HHLA1: variants seen among roughly 807,000 people sequenced by gnomAD.
The protein encoded by HHLA1 is HERV-H LTR-associating protein 1.
HHLA1 carries 72 observed loss-of-function variants against 69.9 expected under a neutral mutation model. The observed-to-expected ratio is 1.03, with a 90% CI of 0.85 to 1.25. The LOEUF (loss-of-function observed/expected upper bound fraction) is 1.25. Among genes scored for constraint, HHLA1 ranks in the 50% most tolerant of loss-of-function variants. The pLI is 0.00. For synonymous variants in HHLA1, 252 were observed against 233.2 expected, an observed-to-expected ratio of 1.08 and a Z score of -0.73; for missense variants, 685 against 642.2, an observed-to-expected ratio of 1.07 and a Z score of -0.72.
At chr8:132,091,255 TAA>T (rs1823941757) in intron 7 of HHLA1, among the ~76,000 whole-genome samples, 1 of 152,226 alleles carries the variant, frequency 6.6e-6, no homozygotes, top group Admixed American at 6.5e-5. Flanking sequence ...GCAAGATTCA[TAA>T]ACAGACCAAT....
chr8:132,093,794 T>C (rs368705948), intron 7 of HHLA1, among the ~76,000 whole-genome samples: 2 of 152,184 alleles, frequency 1.3e-5, no homozygotes, highest in Admixed American at 6.5e-5. Context: ...ACTTCTATCC[T>C]CAGCAGGGGT....
At chr8:132,071,002 A>ACAACTCAACTCATCT (rs1823530444) in intron 15 of HHLA1, among the ~76,000 whole-genome samples, 2 of 151,758 alleles carry the variant, frequency 1.3e-5, no homozygotes, top group African/African-American at 4.8e-5. Flanking sequence ...TCAACTCAAC[A>ACAACTCAACTCATCT]CAACTCAACT....
Position 132,104,097 on chromosome 8 carries a change from C to T in HHLA1, c.139+11G>A, listed in dbSNP as rs1259427797. 12 of 1,545,630 alleles carry T rather than the reference C, an allele frequency of 7.8e-6. No individual in the cohort carries two copies. Among genetic ancestry groups the T allele is most frequent in the Non-Finnish European group, 1.1e-5 (12 of 1,141,580 alleles). On this transcript the variant is annotated intron_variant, in intron 3 of 16. Transcript: ENST00000414222. ...CAGTGAGCTGAAAAGGAGCCCTTATCACCCACTTACCTGTTGTAGGTAAAA... is the reference window on the plus strand; with the variant it reads ...CAGTGAGCTGAAAAGGAGCCCTTATTACCCACTTACCTGTTGTAGGTAAAA...
Position 132,098,907 on chromosome 8 carries a change from A to G in HHLA1, c.255T>C (p.Asn85=). 6.4e-7 allele frequency: 1 copy of G among 1,551,118 alleles called. No individual in the cohort carries two copies. The highest frequency in any genetic ancestry group is 8.7e-7 in the Non-Finnish European group (1 of 1,146,444). Residue 85 remains asparagine (N), a synonymous_variant, in exon 5 of 17, where the codon AAT becomes AAC. Transcript: ENST00000414222. The part of the protein sequence containing the change: ...LSALNLTELV[N]GMLSRALKDS... ...CTTTTAACGCTCTACTGAGCATCCC[A>G]TTCACAAGCTCTGTCAGGTTAAGCG...
intron 3 of HHLA1, 37 bp downstream of exon 3, chr8:132,104,071 A>G: frequency 6.8e-7 from 1 of 1,480,776 alleles, no homozygotes; most frequent in Non-Finnish European, 9.2e-7. Flanking sequence ...TTGCCCAAGA[A>G]CAGTGAGCTG....
In HHLA1 at chr8:132,089,586, T is replaced by G. The variant is rs1823914417; in HGVS notation, c.462A>C (p.Leu154=). The change falls in exon 8 of 17, where the codon CTA becomes CTC. Residue 154 remains leucine (L), a synonymous_variant. Transcript: ENST00000414222. Reference sequence around the variant, plus strand: ...TAGAATTGCCGATGATATCTACCAGTAGAGCTGTAAAATCTGCAAGACAAA... The same window carrying G: ...TAGAATTGCCGATGATATCTACCAGGAGAGCTGTAAAATCTGCAAGACAAA... ...RTNDLSDFTA[L]LVDIIGNSTS... is the part of the protein sequence containing the mutation. 6.7e-7 allele frequency: 1 copy of G among 1,491,106 alleles called. No individual in the cohort carries two copies. 92.4% of individuals were successfully genotyped at this position (1,491,106 alleles called of 1,614,324 possible). A position where few individuals can be genotyped will look rare whatever the true frequency, so the allele number is the denominator to read the frequency against.
chr8:132,079,456 C>A (rs1178835688), intron 11 of HHLA1, among the ~76,000 whole-genome samples: 2 of 152,210 alleles, frequency 1.3e-5, no homozygotes, highest in African/African-American at 4.8e-5. Context: ...TTTTGCAAGT[C>A]TTCGTGAGTC....
At chr8:132,104,061 T>C (rs1824162215) in intron 3 of HHLA1, 47 bp downstream of exon 3, 4 of 1,372,274 alleles carry the variant, frequency 2.9e-6, no homozygotes, top group South Asian at 2.5e-5. Flanking sequence ...GTCAAGGAAT[T>C]TGCCCAAGAA....
At chr8:132,070,280 T>A in intron 15 of HHLA1, 1 of 700,206 alleles carries the variant, frequency 1.4e-6, no homozygotes, top group Non-Finnish European at 2.6e-6. Context: ...ACAGAAAATG[T>A]CCATGTCTAG....
intron 14 of HHLA1, among the ~76,000 whole-genome samples, chr8:132,072,308 AATAGGGAGACCCATCCCTATCAT>A: frequency 6.6e-6 from 1 of 152,350 alleles, no homozygotes; most frequent in East Asian, 1.9e-4. Context: ...TTATATGGAA[AATAGGGAGACCCATCCCTATCAT>A]ATAGAATGAC....
Position 132,071,374 on chromosome 8 carries a change from T to C in HHLA1, c.1435A>G (p.Met479Val), listed in dbSNP as rs1470165949. 1.9e-6 allele frequency: 3 copies of C among 1,551,668 alleles called. No homozygotes were observed. Among genetic ancestry groups the C allele is most frequent in the Admixed American group, 3.9e-5 (2 of 51,014 alleles). ...TCTGTCCTGGGACTCCTCTGGCTCATGCAGAGGCATTGCTGGAAGAATTGG... is the reference window on the plus strand; with the variant it reads ...TCTGTCCTGGGACTCCTCTGGCTCACGCAGAGGCATTGCTGGAAGAATTGG... Reference protein sequence around the residue: ...LCQFFQQCLCMSQRSPRTEDM... With the variant: ...LCQFFQQCLCVSQRSPRTEDM... Residue 479 changes from methionine to valine, a missense_variant, in exon 15 of 17, where the codon ATG (methionine) becomes GTG (valine). By Grantham distance (21) the Met-to-Val change is conservative. Transcript: ENST00000414222.
At chr8:132,068,815 C>T (rs1436858132) in intron 15 of HHLA1, among the ~76,000 whole-genome samples, 1 of 152,156 alleles carries the variant, frequency 6.6e-6, no homozygotes, top group Admixed American at 6.5e-5. Context: ...TGTTATCCTG[C>T]AAGGAGTGTG....
At chr8:132,078,973 G>T (rs1823693120) in intron 11 of HHLA1, among the ~76,000 whole-genome samples, 1 of 152,092 alleles carries the variant, frequency 6.6e-6, no homozygotes, top group Non-Finnish European at 1.5e-5. Context: ...CAACTTGCAG[G>T]TTTGTTACAT....
intron 15 of HHLA1, among the ~76,000 whole-genome samples, chr8:132,066,912 C>G (rs1823450181): frequency 6.6e-6 from 1 of 152,126 alleles, no homozygotes; most frequent in African/African-American, 2.4e-5. Flanking sequence ...TTCTGGTAGG[C>G]AATAAGATCA....
chr8:132,089,293 T>G (rs538597584), intron 8 of HHLA1, among the ~76,000 whole-genome samples: 77 of 152,246 alleles, frequency 5.1e-4, no homozygotes, highest in Non-Finnish European at 8.4e-4. Flanking sequence ...CTTTGGATTC[T>G]TCCTCCAACT....
intron 7 of HHLA1, among the ~76,000 whole-genome samples, chr8:132,095,115 A>T (rs1323997420): frequency 6.6e-6 from 1 of 152,160 alleles, no homozygotes; most frequent in Non-Finnish European, 1.5e-5. Context: ...TATCAATAAC[A>T]TTGTGCTCTT....
chr8:132,066,034 G>C (rs923331198), intron 15 of HHLA1, 66 bp from the exon 16 acceptor site: 16 of 642,346 alleles, frequency 2.5e-5, no homozygotes, highest in South Asian at 1.4e-4. Flanking sequence ...GACAGCCAGA[G>C]TTTTAAAGGT....
Position 132,089,522 on chromosome 8 carries a change from G to T in HHLA1, c.526C>A (p.Leu176Ile). 4.7e-6 allele frequency: 7 copies of T among 1,493,742 alleles called. No individual in the cohort carries two copies. The highest frequency in any genetic ancestry group is 6.4e-6 in the Non-Finnish European group (7 of 1,094,116). The allele number at this position is 1,493,742 out of a possible 1,614,324, so 92.5% of individuals were successfully genotyped here. A position where few individuals can be genotyped will look rare whatever the true frequency, so the allele number is the denominator to read the frequency against. The change falls in exon 8 of 17, where the codon CTC (leucine) becomes ATC (isoleucine). Residue 176 changes from leucine to isoleucine, a missense_variant. By Grantham distance (5) the Leu-to-Ile change is conservative (BLOSUM62 2). Coordinates refer to ENST00000414222, the MANE Select transcript of HHLA1 (RefSeq NM_001145095.3). Reference sequence around the variant, plus strand: ...GTTTTCAAGATGAACACACCTGAGAGGATGGAGGTTGACTTAAAAATCTCT... The same window carrying T: ...GTTTTCAAGATGAACACACCTGAGATGATGGAGGTTGACTTAAAAATCTCT... Reference protein sequence around the residue: ...LTEIFKSTSILSVNQSNESDC... With the variant: ...LTEIFKSTSIISVNQSNESDC...
intron 16 of HHLA1, among the ~76,000 whole-genome samples, chr8:132,064,624 C>T (rs1823405269): frequency 6.6e-6 from 1 of 151,920 alleles, no homozygotes; most frequent in Admixed American, 6.6e-5. Context: ...AATAAGGACC[C>T]TGTGTTTGGG....
Sources: allele counts gnomAD v4.1 joint callset (sites outside exome capture counted in the v4.1 genomes callset), GRCh38; gene constraint gnomAD v4.1.1; transcripts MANE v1.5; gene names NCBI Gene and HGNC (gene_info 2026-07-23, HGNC 2026-07-21).